The following RB1 variants were observed in gnomAD, a reference collection of about 807,000 sequenced individuals.
RB1 encodes the protein RB transcriptional corepressor 1.
In RB1, 18 loss-of-function variants were observed where a neutral mutation model predicts 135.4. The observed-to-expected ratio is 0.13, with a 90% CI of 0.09 to 0.20. The LOEUF (loss-of-function observed/expected upper bound fraction) is 0.20. Among genes scored for constraint, RB1 ranks in the 10% least tolerant of loss-of-function variants. The pLI, the probability that RB1 is intolerant of heterozygous loss-of-function variation, is 1.00. For synonymous variants in RB1, 365 were observed against 373.2 expected (o/e 0.98, Z 0.25); for missense variants, 868 against 1,110.0 (o/e 0.78, Z 3.10).
intron 13 of RB1, among the ~76,000 whole-genome samples, chr13:48,377,925 T>C (rs1952844208): frequency 6.6e-6 from 1 of 152,186 alleles, no homozygotes; most frequent in Non-Finnish European, 1.5e-5. Context: ...TGTGTTACCA[T>C]TTGTGTATCT....
In RB1 at chr13:48,476,724, A is replaced by C; in HGVS notation, c.2544A>C (p.Ile848=). ...SFGTSEKFQK[I]NQMVCNSDRV... ...AGACTTCTGAGAAGTTCCAGAAAATAAATCAGATGGTATGTAACAGCGACC... is the reference window on the plus strand; with the variant it reads ...AGACTTCTGAGAAGTTCCAGAAAATCAATCAGATGGTATGTAACAGCGACC... The change falls in exon 25 of 27, where the codon ATA becomes ATC. Residue 848 remains isoleucine, a synonymous_variant. Coordinates refer to ENST00000267163, the MANE Select transcript of RB1 (RefSeq NM_000321.3). 6.2e-7 allele frequency: 1 copy of C among 1,613,380 alleles called. No homozygotes were observed. Among genetic ancestry groups the C allele is most frequent in the Non-Finnish European group, 8.5e-7 (1 of 1,179,438 alleles).
intron 16 of RB1, among the ~76,000 whole-genome samples, chr13:48,380,677 A>G (rs1370911981): frequency 6.6e-6 from 1 of 152,216 alleles, no homozygotes; most frequent in Non-Finnish European, 1.5e-5. Context: ...TTAAAAACAT[A>G]AATGTATATC....
intron 26 of RB1, among the ~76,000 whole-genome samples, chr13:48,479,629 C>T (rs947487551): frequency 2.0e-5 from 3 of 150,834 alleles, no homozygotes; most frequent in African/African-American, 7.3e-5. Flanking sequence ...TTGGAGACCA[C>T]TGTTTTTTTG....
intron 2 of RB1, among the ~76,000 whole-genome samples, chr13:48,309,721 T>C (rs992533114): frequency 3.3e-5 from 5 of 152,224 alleles, no homozygotes; most frequent in African/African-American, 1.2e-4. Flanking sequence ...ATAAGTGCAT[T>C]GTGTTCCAAA....
chr13:48,416,169 C>T (rs1202088307), intron 17 of RB1: 1 of 152,194 alleles, frequency 6.6e-6, no homozygotes, highest in Non-Finnish European at 1.5e-5. Context: ...CAGCTGGAGT[C>T]TGCAGCTCCC....
chr13:48,397,456 A>T (rs947819912), intron 17 of RB1, among the ~76,000 whole-genome samples: 1 of 152,186 alleles, frequency 6.6e-6, no homozygotes, highest in Non-Finnish European at 1.5e-5. Context: ...GAACACATGG[A>T]CACATGGAGG....
intron 6 of RB1, among the ~76,000 whole-genome samples, chr13:48,351,696 C>A (rs1191936204): frequency 6.7e-6 from 1 of 150,298 alleles, no homozygotes; most frequent in African/African-American, 2.4e-5. Context: ...TTTTTTGAGA[C>A]AGAGTCTCAC....
chr13:48,357,789 A>C (rs1204797202), intron 6 of RB1, among the ~76,000 whole-genome samples: 1 of 152,124 alleles, frequency 6.6e-6, no homozygotes, highest in South Asian at 2.1e-4. Context: ...GATGATGATC[A>C]GGAGAAGCTT....
Position 48,318,845 on chromosome 13 carries a change from CG to C in RB1, c.264+11440del, listed in dbSNP as rs1952209619. On this transcript the variant is annotated intron_variant, in intron 2 of 26. Transcript: ENST00000267163. ...TCTCACCTCTGGCCAGCAAACTCCC[CG>C]ACTATGCCTTGAGGGTCAAAACGTC... The C allele has an allele frequency of 3.0e-6, 3 of 990,414 alleles. No individual in the cohort carries two copies. The East Asian group carries it at 7.6e-5, about 25-fold the overall frequency. The allele number at this position is 990,414 out of a possible 1,614,324, so 61.4% of individuals were successfully genotyped here. A position where few individuals can be genotyped will look rare whatever the true frequency, so the allele number is the denominator to read the frequency against.
intron 2 of RB1, among the ~76,000 whole-genome samples, chr13:48,337,197 G>T (rs1370423750): frequency 6.6e-6 from 1 of 152,122 alleles, no homozygotes; most frequent in Admixed American, 6.5e-5. Context: ...TATTAGGTCC[G>T]CTTGGTGCAG....
chr13:48,430,770 A>AACAAAC (rs1566223583), intron 17 of RB1, among the ~76,000 whole-genome samples: 1 of 150,428 alleles, frequency 6.6e-6, no homozygotes. Context: ...ACAAACAAAA[A>AACAAAC]AAAAAAACAG....
intron 17 of RB1, among the ~76,000 whole-genome samples, chr13:48,382,031 T>G (rs984073370): frequency 2.6e-5 from 4 of 152,192 alleles, no homozygotes; most frequent in African/African-American, 9.6e-5. Flanking sequence ...GAACTCATCC[T>G]TTTTTATGGC....
At chr13:48,472,091 A>G (rs1303189229) in intron 23 of RB1, among the ~76,000 whole-genome samples, 2 of 152,212 alleles carry the variant, frequency 1.3e-5, no homozygotes, top group Non-Finnish European at 2.9e-5. Flanking sequence ...ATTATATGTT[A>G]TCATGGGCTA....
rs1566187864 is a variant in RB1 at position 48,347,874 on chromosome 13, C to T, written c.539+11C>T. On this transcript the variant is annotated intron_variant, in intron 5 of 26. Transcript: ENST00000267163. ...ACAACCCAGCAGTTCGTAAGTAGTT[C>T]ACAGAATGTTATTTTTCACTTAAAA... is the stretch of plus-strand genomic sequence containing the variant. The T allele has an allele frequency of 1.3e-6, 2 of 1,568,976 alleles. No individual in the cohort carries two copies. Among genetic ancestry groups the T allele is most frequent in the Non-Finnish European group, 1.8e-6 (2 of 1,141,082 alleles).
chr13:48,368,817 C>T (rs1293120549), intron 11 of RB1, among the ~76,000 whole-genome samples: 2 of 152,048 alleles, frequency 1.3e-5, no homozygotes, highest in Non-Finnish European at 2.9e-5. Flanking sequence ...ACCGGCCTGG[C>T]CAACATGGTG....
Position 48,321,045 on chromosome 13 carries a change from G to A in RB1, c.264+13639G>A, listed in dbSNP as rs367615746. ...CAGCCAGTGTCCCCAAACGCCCCAA[G>A]GATAAGGCCTTTATCACTCCGACGC... is the stretch of plus-strand genomic sequence containing the variant. On this transcript the variant is annotated intron_variant, in intron 2 of 26. Transcript: ENST00000267163. 7.0e-4 allele frequency among the ~76,000 whole-genome samples: 107 copies of A among 152,180 alleles called. 7 individuals carry two copies. Among genetic ancestry groups the A allele is most frequent in the East Asian group, 2.7e-3 (14 of 5,130 alleles).
rs1949536876 is a variant in RB1, at chr13:48,481,269, GT to G, written c.*1200del. ...TACAAGTAATCAAGGGTCATTATGG[GT>G]TAGGCATTAATGTTTCTATCTGATT... is the stretch of plus-strand genomic sequence containing the variant. On this transcript the variant is annotated 3_prime_UTR_variant, in exon 27 of 27. Coordinates refer to ENST00000267163, the MANE Select transcript of RB1 (RefSeq NM_000321.3). 4.3e-6 allele frequency: 1 copy of G among 231,906 alleles called. No homozygotes were observed. The highest frequency in any genetic ancestry group is 8.5e-6 in the Non-Finnish European group (1 of 117,140). The allele number at this position is 231,906 out of a possible 1,614,324, so 14.4% of individuals were successfully genotyped here. A position where few individuals can be genotyped will look rare whatever the true frequency, so the allele number is the denominator to read the frequency against.
chr13:48,303,875 C>T lies in RB1; in HGVS notation c.-38C>T, dbSNP rs2138026767. 6.6e-7 allele frequency: 1 copy of T among 1,512,806 alleles called. No homozygotes were observed. The highest frequency in any genetic ancestry group is 1.2e-5 in the South Asian group (1 of 81,910). 93.7% of individuals were successfully genotyped at this position (1,512,806 alleles called of 1,614,324 possible). ...CGCGCGCGTCGTCCTCCCCGGCGCT[C>T]CTCCACAGCTCGCTGGCTCCCGCCG... is the stretch of plus-strand genomic sequence containing the variant. On this transcript the variant is annotated 5_prime_UTR_variant, in exon 1 of 27. Coordinates refer to ENST00000267163, the MANE Select transcript of RB1 (RefSeq NM_000321.3).
chr13:48,461,097 A>G (rs1428633835), intron 20 of RB1, among the ~76,000 whole-genome samples: 4 of 152,216 alleles, frequency 2.6e-5, no homozygotes, highest in Non-Finnish European at 4.4e-5. Context: ...TTATACAAAC[A>G]TCACCATAAT....
Sources: gnomAD v4.1 joint callset for allele counts (sites outside exome capture counted in the v4.1 genomes callset) on GRCh38, gnomAD v4.1.1 for gene constraint, MANE v1.5 for transcripts, NCBI Gene and HGNC (gene_info 2026-07-23, HGNC 2026-07-21) for gene names.